Variants in SCARB1 observed in about 807,000 individuals in gnomAD.
The protein encoded by SCARB1 is CD36 and LIMPII analogous 1.
SCARB1 carries 30 observed loss-of-function variants against 57.2 expected under a neutral mutation model. The ratio of observed to expected loss-of-function variants is 0.52; its 90% CI spans 0.39 to 0.71. The LOEUF is 0.71. SCARB1 is among the 30% of genes least tolerant of loss of function. The pLI, the probability that SCARB1 is intolerant of heterozygous loss-of-function variation, is 0.00. For missense variants in SCARB1, 543 were observed against 671.2 expected (o/e 0.81, Z 2.11); for synonymous variants, 249 against 268.3 (o/e 0.93, Z 0.70).
Position 124,795,321 on chromosome 12 carries a change from C to G in SCARB1, c.1129-53G>C. On this transcript the variant is annotated intron_variant, in intron 8 of 12. Transcript: ENST00000261693. The stretch of plus-strand genomic sequence containing the variant: ...TGGCCACCCCCAAGCTCCAGGGACA[C>G]CGTCAACCCTCCTCTCCCTGGTCCC... 26 of 1,414,042 alleles carry G rather than the reference C, an allele frequency of 1.8e-5. No homozygotes were observed. In the South Asian group the frequency reaches 3.0e-4, roughly 16 times the overall value. The allele number at this position is 1,414,042 out of a possible 1,614,324, so 87.6% of individuals were successfully genotyped here. A position where few individuals can be genotyped will look rare whatever the true frequency, so the allele number is the denominator to read the frequency against.
Position 124,792,235 on chromosome 12 carries a change from C to CAAGG in SCARB1, c.1202+2959_1202+2960insCCTT, listed in dbSNP as rs1182101289. On this transcript the variant is annotated intron_variant, in intron 9 of 12. Transcript: ENST00000261693. ...TTCCCCGACAGGTCACGAGACAGCT[C>CAAGG]TGCTTCCCGGCAGCTGTGTCTCTAG... Among the ~76,000 whole-genome samples the CAAGG allele has an allele frequency of 2.6e-5, 4 of 152,140 alleles. 1 individual carries two copies. Among genetic ancestry groups the CAAGG allele is most frequent in the African/African-American group, 7.2e-5 (3 of 41,384 alleles).
rs1175384690 is a variant in SCARB1, at chr12:124,814,183, C to A, written c.630+19G>T. On this transcript the variant is annotated intron_variant, in intron 4 of 12. Transcript: ENST00000261693. The surrounding 1 kb of genome is among the most constrained non-coding windows in gnomAD (Gnocchi z 4.7). ...GGACACAGGCCTGAATCTTTGGCTTCTCACCAGGCCACACGTACCTCAGCA... is the reference window on the plus strand; with the variant it reads ...GGACACAGGCCTGAATCTTTGGCTTATCACCAGGCCACACGTACCTCAGCA... 2 of 1,611,248 alleles carry A rather than the reference C, an allele frequency of 1.2e-6. No individual in the cohort carries two copies. Among genetic ancestry groups the A allele is most frequent in the African/African-American group, 2.7e-5 (2 of 74,822 alleles).
chr12:124,801,005 G>A (rs1453337649), intron 7 of SCARB1, among the ~76,000 whole-genome samples: 6 of 152,092 alleles, frequency 3.9e-5, no homozygotes, highest in Admixed American at 3.9e-4. Flanking sequence ...CCCAGGAATT[G>A]GAGACCAGGC....
intron 6 of SCARB1, among the ~76,000 whole-genome samples, chr12:124,808,892 A>C (rs1037751819): frequency 6.6e-6 from 1 of 152,214 alleles, no homozygotes; most frequent in African/African-American, 2.4e-5. Context: ...TTGATATATG[A>C]GGTCAAATAA....
chr12:124,818,869 C>T (rs963226331), intron 1 of SCARB1, among the ~76,000 whole-genome samples: 9 of 152,066 alleles, frequency 5.9e-5, no homozygotes, highest in African/African-American at 2.2e-4. Flanking sequence ...CCACGTTGGC[C>T]AGGCTGGTCT....
rs1313755987 is a variant in SCARB1, at chr12:124,863,586, C to T, written c.126+9G>A. 1.2e-5 allele frequency: 20 copies of T among 1,602,074 alleles called. No homozygotes were observed. Among genetic ancestry groups the T allele is most frequent in the Non-Finnish European group, 1.6e-5 (19 of 1,174,486 alleles). ...CGTGCGCGGACCCCCTGGGGTCTCC[C>T]TCACCCACCTTAAGGACCTGCTGCT... is the stretch of plus-strand genomic sequence containing the variant. On this transcript the variant is annotated intron_variant, in intron 1 of 12. Transcript: ENST00000261693.
At chr12:124,781,045 G>A (rs1024207742) in intron 12 of SCARB1, among the ~76,000 whole-genome samples, 1 of 152,176 alleles carries the variant, frequency 6.6e-6, no homozygotes, top group African/African-American at 2.4e-5. Context: ...CCCCAAGCCT[G>A]GGGACCCTGT....
chr12:124,804,423 C>A lies in SCARB1; in HGVS notation c.1009+3338G>T, dbSNP rs1015299164. 3.3e-5 allele frequency among the ~76,000 whole-genome samples: 5 copies of A among 152,336 alleles called. No individual in the cohort carries two copies. The South Asian group carries it at 1.0e-3, about 32-fold the overall frequency. The stretch of plus-strand genomic sequence containing the variant: ...ACAACATCTAAGTTCTGGATTTGTG[C>A]CTAATGCAGAGATCTGCCCTGGAAT... On this transcript the variant is annotated intron_variant, in intron 7 of 12. Coordinates refer to ENST00000261693, the MANE Select transcript of SCARB1 (RefSeq NM_005505.5).
chr12:124,793,468 C>T (rs1050299589), intron 9 of SCARB1, among the ~76,000 whole-genome samples: 7 of 151,762 alleles, frequency 4.6e-5, no homozygotes, highest in East Asian at 1.9e-4. Flanking sequence ...CCGAGGCGGG[C>T]GGATCACGAG....
intron 11 of SCARB1, chr12:124,783,549 A>G (rs1949392991): frequency 6.6e-6 from 1 of 152,238 alleles, no homozygotes; most frequent in African/African-American, 2.4e-5. Context: ...GCGGCAGATC[A>G]TGAGGTCAGG....
intron 9 of SCARB1, among the ~76,000 whole-genome samples, chr12:124,794,284 T>C (rs1949849342): frequency 6.6e-6 from 1 of 152,172 alleles, no homozygotes; most frequent in African/African-American, 2.4e-5. Context: ...GGGGGTTATT[T>C]TTTTTATTTT....
chr12:124,830,273 G>A (rs1186434582), intron 1 of SCARB1, among the ~76,000 whole-genome samples: 1 of 152,140 alleles, frequency 6.6e-6, no homozygotes, highest in Non-Finnish European at 1.5e-5. Context: ...CAGTCACTGT[G>A]GAATATACTT....
chr12:124,857,356 C>A (rs1292473274), intron 1 of SCARB1, among the ~76,000 whole-genome samples: 2 of 152,218 alleles, frequency 1.3e-5, no homozygotes, highest in Non-Finnish European at 2.9e-5. Flanking sequence ...ACTGTTATCT[C>A]CCATCAACCC....
At position 124,822,148 on chromosome 12, in the gene SCARB1, AGGAGTGCCT is replaced by A. The variant is rs1455196462; in HGVS notation, c.127-4450_127-4442del. Among the ~76,000 whole-genome samples, 2 of 152,216 alleles carry A rather than the reference AGGAGTGCCT, an allele frequency of 1.3e-5. No individual in the cohort carries two copies. Among genetic ancestry groups the A allele is most frequent in the African/African-American group, 2.4e-5 (1 of 41,452 alleles). On this transcript the variant is annotated intron_variant, in intron 1 of 12. Coordinates refer to ENST00000261693, the MANE Select transcript of SCARB1 (RefSeq NM_005505.5). This position sits in a 1 kb window ranked among gnomAD's most constrained non-coding sequence, Gnocchi z 5.0. ...CTTTGCTAGGAAAAGAAGATGGTGG[AGGAGTGCCT>A]GGCAGAGGACACAGCCTGTGCAAAG...
At chr12:124,827,850 G>A (rs563218549) in intron 1 of SCARB1, among the ~76,000 whole-genome samples, 2 of 152,214 alleles carry the variant, frequency 1.3e-5, no homozygotes, top group South Asian at 2.1e-4. Context: ...TCGAGCACAC[G>A]GTATAATTAG....
intron 12 of SCARB1, 61 bp downstream of exon 12, chr12:124,782,622 G>T (rs151273318): frequency 3.2e-6 from 5 of 1,563,892 alleles, no homozygotes; most frequent in Middle Eastern, 2.0e-4. Flanking sequence ...GTTTTAAGCC[G>T]CCAGCATTCT....
At position 124,817,527 on chromosome 12, in the gene SCARB1, C is replaced by T. The variant is rs556109727; in HGVS notation, c.284+23G>A. ...TGCCCAGCCTCAGCCGGCCCCTCCA[C>T]CCTCACCTGGACACAGCCTCACCTG... On this transcript the variant is annotated intron_variant, in intron 2 of 12. Coordinates refer to ENST00000261693, the MANE Select transcript of SCARB1 (RefSeq NM_005505.5). This position sits in a 1 kb window ranked among gnomAD's most constrained non-coding sequence, Gnocchi z 4.8. 2 of 1,612,618 alleles carry T rather than the reference C, an allele frequency of 1.2e-6. No individual in the cohort carries two copies. Among genetic ancestry groups the T allele is most frequent in the Admixed American group, 3.3e-5 (2 of 60,018 alleles).
intron 1 of SCARB1, among the ~76,000 whole-genome samples, chr12:124,818,921 C>T (rs932683428): frequency 1.3e-5 from 2 of 152,102 alleles, no homozygotes. Context: ...TCCCAAAGTG[C>T]CAGGATTACA....
intron 1 of SCARB1, among the ~76,000 whole-genome samples, chr12:124,861,229 C>T (rs1952886447): frequency 1.3e-5 from 2 of 152,192 alleles, no homozygotes; most frequent in African/African-American, 4.8e-5. Context: ...ATTTGCATAT[C>T]ACCTATGCGC....
Sources: allele counts gnomAD v4.1 joint callset (sites outside exome capture counted in the v4.1 genomes callset), GRCh38; gene constraint gnomAD v4.1.1; non-coding constraint Gnocchi (gnomAD v3.1); transcripts MANE v1.5; gene names NCBI Gene and HGNC (gene_info 2026-07-23, HGNC 2026-07-21).